Variants in CSMD1 observed in about 807,000 individuals in gnomAD.
CSMD1 encodes the protein CUB and sushi domain-containing protein 1.
A neutral mutation model predicts 417.5 loss-of-function variants in CSMD1; 213 were observed. The observed-to-expected ratio is 0.51, with a 90% CI of 0.46 to 0.57. CSMD1 has a LOEUF of 0.57. Ranked by LOEUF, CSMD1 falls within the 20% of genes least tolerant of loss-of-function variation. The probability of loss-of-function intolerance (pLI) is 0.00; values close to 1 mark genes in which losing one functional copy is unlikely to be tolerated. For synonymous variants in CSMD1, 2,862 were observed against 1,736.8 expected, an observed-to-expected ratio of 1.65 and a Z score of -16.11; for missense variants, 6,923 against 4,529.7, an observed-to-expected ratio of 1.53 and a Z score of -15.17.
At chr8:4,661,564 A>T (rs2724960) in intron 1 of CSMD1, among the ~76,000 whole-genome samples, 1 of 152,168 alleles carries the variant, frequency 6.6e-6, no homozygotes, top group Non-Finnish European at 1.5e-5. Context: ...TGTATCTCCA[A>T]TGTGTTCATC....
intron 5 of CSMD1, among the ~76,000 whole-genome samples, chr8:3,936,477 T>C (rs1312595954): frequency 6.6e-6 from 1 of 152,192 alleles, no homozygotes; most frequent in Non-Finnish European, 1.5e-5. Context: ...TTGAAGCCAG[T>C]GCTCATCTAC....
chr8:4,069,806 AC>A (rs1298682607), intron 3 of CSMD1, among the ~76,000 whole-genome samples: 1 of 152,210 alleles, frequency 6.6e-6, no homozygotes, highest in Non-Finnish European at 1.5e-5. Context: ...TAATTACTCG[AC>A]AACTCACTAC....
In CSMD1 at chr8:3,154,928, C is replaced by CA. The variant is rs201893375; in HGVS notation, c.5914+2968dup. Among the ~76,000 whole-genome samples the CA allele has an allele frequency of 3.2e-3, 480 of 152,154 alleles. 9 individuals carry two copies. The highest frequency in any genetic ancestry group is 0.025 in the Admixed American group (377 of 15,286). ...TGGAGTAATCTAAAGCTAACAGCTA[C>CA]AAAAAACCTTTTAATCACTAGAATC... On this transcript the variant is annotated intron_variant, in intron 39 of 69. Coordinates refer to ENST00000635120, the MANE Select transcript of CSMD1 (RefSeq NM_033225.6).
At chr8:4,747,041 C>G (rs1239972056) in intron 1 of CSMD1, among the ~76,000 whole-genome samples, 2 of 152,112 alleles carry the variant, frequency 1.3e-5, no homozygotes, top group African/African-American at 4.8e-5. Context: ...TAGGGAGGGC[C>G]TCCCCACCAG....
chr8:4,755,197 T>G (rs1478288920), intron 1 of CSMD1, among the ~76,000 whole-genome samples: 1 of 152,226 alleles, frequency 6.6e-6, no homozygotes, highest in Non-Finnish European at 1.5e-5. Context: ...AGTTCTCTTG[T>G]AAAAATCTCA....
chr8:3,256,607 C>G (rs564792001), intron 26 of CSMD1, among the ~76,000 whole-genome samples: 1 of 152,304 alleles, frequency 6.6e-6, no homozygotes, highest in Admixed American at 6.5e-5. Flanking sequence ...CTGGCTGTTT[C>G]TTACTTTTGA....
At chr8:4,237,270 G>A (rs1050531009) in intron 3 of CSMD1, among the ~76,000 whole-genome samples, 1 of 152,174 alleles carries the variant, frequency 6.6e-6, no homozygotes, top group Non-Finnish European at 1.5e-5. Flanking sequence ...GATTCAGAGT[G>A]AGGGTGTTTA....
At chr8:3,408,873 T>C (rs1812513022) in intron 13 of CSMD1, among the ~76,000 whole-genome samples, 1 of 152,194 alleles carries the variant, frequency 6.6e-6, no homozygotes, top group African/African-American at 2.4e-5. Flanking sequence ...TTATTCCATA[T>C]AATTTTGTAC....
intron 3 of CSMD1, among the ~76,000 whole-genome samples, chr8:4,357,917 G>C (rs1390804148): frequency 6.6e-6 from 1 of 152,058 alleles, no homozygotes; most frequent in African/African-American, 2.4e-5. Flanking sequence ...AAAAAATAGA[G>C]AATATACTTA....
intron 5 of CSMD1, among the ~76,000 whole-genome samples, chr8:3,935,436 A>G (rs1204732185): frequency 6.6e-6 from 1 of 152,174 alleles, no homozygotes; most frequent in Non-Finnish European, 1.5e-5. Flanking sequence ...GAAAAATTGA[A>G]GTTTCCTGGC....
At chr8:4,888,383 A>G (rs1167531085) in intron 1 of CSMD1, among the ~76,000 whole-genome samples, 2 of 151,928 alleles carry the variant, frequency 1.3e-5, no homozygotes, top group African/African-American at 2.4e-5. Flanking sequence ...GAGGAGATAT[A>G]TGTATATTTT....
At chr8:4,412,308 G>A (rs751431148) in intron 3 of CSMD1, among the ~76,000 whole-genome samples, 1 of 152,022 alleles carries the variant, frequency 6.6e-6, no homozygotes, top group African/African-American at 2.4e-5. Context: ...TTGCTCTCCT[G>A]GACACAGCGC....
chr8:3,601,590 A>G (rs1028394417), intron 8 of CSMD1, among the ~76,000 whole-genome samples: 7 of 152,202 alleles, frequency 4.6e-5, no homozygotes, highest in African/African-American at 1.7e-4. Flanking sequence ...ACCACAATCT[A>G]CTGTAGAATA....
intron 5 of CSMD1, among the ~76,000 whole-genome samples, chr8:3,759,790 C>T (rs1307922308): frequency 1.3e-5 from 2 of 149,482 alleles, no homozygotes; most frequent in Non-Finnish European, 3.0e-5. Flanking sequence ...CTCCTGTAAT[C>T]GCAGCTACTC....
rs73179211 is a variant in CSMD1 at position 4,973,046 on chromosome 8, G to A, written c.85+21286C>T. On this transcript the variant is annotated intron_variant, in intron 1 of 69. Coordinates refer to ENST00000635120, the MANE Select transcript of CSMD1 (RefSeq NM_033225.6). ...TATTTTAAAAGATGTAGTAAAGAAG[G>A]TAAAATAATGCATAGAACCTCAATT... 8.3e-3 allele frequency among the ~76,000 whole-genome samples: 1,270 copies of A among 152,104 alleles called. 5 individuals carry two copies. The highest frequency in any genetic ancestry group is 0.012 in the Non-Finnish European group (836 of 67,998).
At chr8:4,422,871 A>G (rs948638913) in intron 2 of CSMD1, among the ~76,000 whole-genome samples, 7 of 152,106 alleles carry the variant, frequency 4.6e-5, no homozygotes, top group African/African-American at 1.4e-4. Flanking sequence ...GAAAGGTCCA[A>G]TCTTTGAAAA....
At position 2,960,955 on chromosome 8, in the gene CSMD1, TATATATATATAC is replaced by T. The variant is rs1263367743; in HGVS notation, c.9702+174_9702+185del. 9.8e-3 allele frequency among the ~76,000 whole-genome samples: 1,163 copies of T among 118,498 alleles called. 16 individuals carry two copies. The highest frequency in any genetic ancestry group is 0.045 in the African/African-American group (1,040 of 23,248). The allele number at this position is 118,498 out of a possible 152,430, so 77.7% of individuals were successfully genotyped here. ...AGTAAGCAAGATATATATATATATA[TATATATATATAC>T]ATATATTGATTTTGACAGTTAAAAA... On this transcript the variant is annotated intron_variant, in intron 62 of 69. Transcript: ENST00000635120.
intron 49 of CSMD1, among the ~76,000 whole-genome samples, chr8:3,078,515 T>G (rs1464646558): frequency 1.3e-5 from 2 of 152,260 alleles, no homozygotes; most frequent in African/African-American, 4.8e-5. Flanking sequence ...CGTTTCAGTC[T>G]GATCTTGGAA....
intron 8 of CSMD1, among the ~76,000 whole-genome samples, chr8:3,590,732 G>A (rs1800809433): frequency 6.6e-6 from 1 of 152,124 alleles, no homozygotes; most frequent in South Asian, 2.1e-4. Context: ...AGCCAATGTG[G>A]GTAAACGCCA....
Sources: gnomAD v4.1 joint callset for allele counts (sites outside exome capture counted in the v4.1 genomes callset) on GRCh38, gnomAD v4.1.1 for gene constraint, MANE v1.5 for transcripts, NCBI Gene and HGNC (gene_info 2026-07-23, HGNC 2026-07-21) for gene names.